TGM2: variants seen among roughly 807,000 people sequenced by gnomAD.
TGM2 encodes the protein protein-glutamine gamma-glutamyltransferase 2.
In TGM2, 53 loss-of-function variants were observed where a neutral mutation model predicts 75.6. That is an observed-to-expected ratio of 0.70 (90% CI 0.56 to 0.88). The LOEUF (loss-of-function observed/expected upper bound fraction) is 0.88. TGM2 is among the 40% of genes least tolerant of loss of function. TGM2 has a pLI of 0.00. For synonymous variants in TGM2, 374 were observed against 381.1 expected, an observed-to-expected ratio of 0.98 and a Z score of 0.22; for missense variants, 842 against 928.5, an observed-to-expected ratio of 0.91 and a Z score of 1.21.
chr20:38,143,285 C>G (rs1330187583), intron 6 of TGM2, among the ~76,000 whole-genome samples: 1 of 152,226 alleles, frequency 6.6e-6, no homozygotes, highest in Non-Finnish European at 1.5e-5. Context: ...GCTGTGTGAC[C>G]TGGGACCAGT....
At chr20:38,134,398 A>G (rs990148589) in intron 10 of TGM2, among the ~76,000 whole-genome samples, 2 of 152,196 alleles carry the variant, frequency 1.3e-5, no homozygotes, top group Non-Finnish European at 2.9e-5. Flanking sequence ...TGGAAATTCT[A>G]GCTAGCTCCA....
intron 3 of TGM2, among the ~76,000 whole-genome samples, chr20:38,152,442 G>C (rs2075125366): frequency 6.6e-6 from 1 of 152,224 alleles, no homozygotes; most frequent in South Asian, 2.1e-4. Context: ...CTCTGCAGCA[G>C]CCGGGGGGTG....
chr20:38,155,239 C>G (rs1021389231), intron 3 of TGM2, among the ~76,000 whole-genome samples: 1 of 152,246 alleles, frequency 6.6e-6, no homozygotes, highest in African/African-American at 2.4e-5. Context: ...AACCAAGTCA[C>G]CGCTAAGCCC....
chr20:38,158,252 C>A (rs1206061390), intron 2 of TGM2, among the ~76,000 whole-genome samples: 1 of 152,244 alleles, frequency 6.6e-6, no homozygotes, highest in African/African-American at 2.4e-5. Flanking sequence ...CACACTCACA[C>A]ACCCCTTTCT....
chr20:38,141,111 ATT>A (rs2074966830), intron 8 of TGM2, among the ~76,000 whole-genome samples, 169 bp downstream of exon 8: 1 of 152,092 alleles, frequency 6.6e-6, no homozygotes, highest in East Asian at 1.9e-4. Context: ...TATTTTTGAG[ATT>A]TATCAAGAAG....
chr20:38,138,433 A>G, intron 9 of TGM2, 48 bp from the exon 10 acceptor site: 2 of 1,611,826 alleles, frequency 1.2e-6, no homozygotes, highest in East Asian at 2.2e-5. Context: ...AATAGATCAC[A>G]GGAAGGGGGC....
intron 7 of TGM2, among the ~76,000 whole-genome samples, chr20:38,141,725 C>T (rs1038839160): frequency 6.7e-6 from 1 of 150,250 alleles, no homozygotes; most frequent in Non-Finnish European, 1.5e-5. Context: ...CACGCCCCAG[C>T]CCCCCGCCCA....
At chr20:38,150,796 T>G in intron 4 of TGM2, 143 bp downstream of exon 4, 1 of 781,978 alleles carries the variant, frequency 1.3e-6, no homozygotes, top group Non-Finnish European at 2.3e-6. Flanking sequence ...TTCAGCTGTT[T>G]CAGGGCCTTT....
intron 4 of TGM2, among the ~76,000 whole-genome samples, chr20:38,150,208 T>C (rs45459096): frequency 0.08 from 12,098 of 152,146 alleles, 1,263 homozygotes; most frequent in African/African-American, 0.23. Flanking sequence ...GCTGGCCCAC[T>C]GGGGAGTGAG....
In TGM2 at chr20:38,146,833, C is replaced by T. The variant is rs764181504; in HGVS notation, c.743G>A (p.Gly248Asp). 1.2e-6 allele frequency: 2 copies of T among 1,614,144 alleles called. No individual in the cohort carries two copies. Among genetic ancestry groups the T allele is most frequent in the South Asian group, 1.1e-5 (1 of 91,080 alleles). The change falls in exon 6 of 13, where the codon GGC (glycine) becomes GAC (aspartate). Residue 248 changes from glycine (G) to aspartate (D), a missense_variant. Gly to Asp is a moderately conservative substitution (Grantham distance 94, BLOSUM62 -1). Coordinates refer to ENST00000361475, the MANE Select transcript of TGM2 (RefSeq NM_004613.4). ...LGRWDNNYGD[G>D]VSPMSWIGSV... Reference sequence around the variant, plus strand: ...GCCGATCCAGGACATGGGGCTGACGCCGTCCCCGTAGTTGTTGTCCCAGCG... The same window carrying T: ...GCCGATCCAGGACATGGGGCTGACGTCGTCCCCGTAGTTGTTGTCCCAGCG...
At position 38,146,861 on chromosome 20, in the gene TGM2, C is replaced by T; in HGVS notation, c.715G>A (p.Gly239Arg). 6.2e-7 allele frequency: 1 copy of T among 1,613,930 alleles called. No homozygotes were observed. Among genetic ancestry groups the T allele is most frequent in the Non-Finnish European group, 8.5e-7 (1 of 1,180,044 alleles). Residue 239 changes from glycine to arginine, a missense_variant, in exon 6 of 13, where the codon GGA becomes AGA. Transcript: ENST00000361475. ...TCCCCGTAGTTGTTGTCCCAGCGTC[C>T]CAGCAGCACACCCTGGTCATCGTTG... ...NCNDDQGVLL[G>R]RWDNNYGDGV...
At position 38,130,108 on chromosome 20, in the gene TGM2, C is replaced by G. The variant is rs1771229613; in HGVS notation, c.*111G>C. 7 of 1,479,076 alleles carry G rather than the reference C, an allele frequency of 4.7e-6. No homozygotes were observed. The highest frequency in any genetic ancestry group is 6.4e-6 in the Non-Finnish European group (7 of 1,088,384). The allele number at this position is 1,479,076 out of a possible 1,614,324, so 91.6% of individuals were successfully genotyped here. On this transcript the variant is annotated 3_prime_UTR_variant, in exon 13 of 13. Transcript: ENST00000361475. ...ATTTCCGAGAGCCCCCATAGGCTGCCCACCCTGCCCTGGGGTCTGGGGCCC... is the reference window on the plus strand; with the variant it reads ...ATTTCCGAGAGCCCCCATAGGCTGCGCACCCTGCCCTGGGGTCTGGGGCCC...
At chr20:38,144,259 A>C (rs1233919705) in intron 6 of TGM2, among the ~76,000 whole-genome samples, 1 of 151,910 alleles carries the variant, frequency 6.6e-6, no homozygotes, top group Non-Finnish European at 1.5e-5. Flanking sequence ...TGGGCAAGCC[A>C]CTCCCCTCTC....
intron 1 of TGM2, 85 bp downstream of exon 1, chr20:38,165,104 G>A (rs2075297109): frequency 1.1e-5 from 18 of 1,603,718 alleles, no homozygotes; most frequent in Admixed American, 3.3e-5. Flanking sequence ...TCCAAATCAG[G>A]ACTTAGGGAT....
intron 3 of TGM2, among the ~76,000 whole-genome samples, chr20:38,153,609 A>T (rs1442984479): frequency 2.0e-5 from 3 of 151,962 alleles, no homozygotes; most frequent in African/African-American, 7.3e-5. Context: ...TTGTGAGGGG[A>T]AAAAACCAAG....
rs562576711 is a variant in TGM2 at position 38,130,152 on chromosome 20, C to G, written c.*67G>C. The stretch of plus-strand genomic sequence containing the variant: ...GGGGCCCAAGAAGGGGCATATTTTG[C>G]TCACTAGCTTGGGATAAGGATTGGG... On this transcript the variant is annotated 3_prime_UTR_variant, in exon 13 of 13. Transcript: ENST00000361475. 1.8e-5 allele frequency: 29 copies of G among 1,601,628 alleles called. No individual in the cohort carries two copies. The African/African-American group carries it at 3.7e-4, about 21-fold the overall frequency.
In TGM2 at chr20:38,132,341, C is replaced by A. The variant is rs150712844; in HGVS notation, c.1775G>T (p.Arg592Leu). ...LYLENPEIKI[R>L]ILGEPKQKRK... ...GCCCCTTGCCCAGCCTGCCCTTACC[C>A]GGATCTTGATTTCTGGATTCTCCAG... Residue 592 changes from arginine (R) to leucine (L), a missense_variant and splice_region_variant, in exon 11 of 13, where the codon CGG becomes CTG. Coordinates refer to ENST00000361475, the MANE Select transcript of TGM2 (RefSeq NM_004613.4). The A allele has an allele frequency of 6.2e-7, 1 of 1,614,076 alleles. No individual in the cohort carries two copies. Among genetic ancestry groups the A allele is most frequent in the Admixed American group, 1.7e-5 (1 of 60,020 alleles).
chr20:38,140,842 T>C (rs562811832), intron 8 of TGM2, among the ~76,000 whole-genome samples: 2 of 152,344 alleles, frequency 1.3e-5, no homozygotes, highest in East Asian at 3.9e-4. Flanking sequence ...TCCTAGAAAG[T>C]GTCCATATGC....
At position 38,127,830 on chromosome 20, in the gene TGM2, TAAATTAC is replaced by T. The variant is rs2074782027; in HGVS notation, c.*2382_*2388del. The T allele has an allele frequency of 6.6e-6, 1 of 152,268 alleles. No individual in the cohort carries two copies. The highest frequency in any genetic ancestry group is 6.5e-5 in the Admixed American group (1 of 15,286). 9.4% of individuals were successfully genotyped at this position (152,268 alleles called of 1,614,324 possible). A position where few individuals can be genotyped will look rare whatever the true frequency, so the allele number is the denominator to read the frequency against. On this transcript the variant is annotated 3_prime_UTR_variant, in exon 13 of 13. Transcript: ENST00000361475. ...TTTCAATGTGGTCACTAGAAAATTCTAAATTACATATGTGGCTTGCATTTGTGGCTCA... is the reference window on the plus strand; with the variant it reads ...TTTCAATGTGGTCACTAGAAAATTCTATATGTGGCTTGCATTTGTGGCTCA...
Sources: gnomAD v4.1 joint callset for allele counts (sites outside exome capture counted in the v4.1 genomes callset) on GRCh38, gnomAD v4.1.1 for gene constraint, MANE v1.5 for transcripts, NCBI Gene and HGNC (gene_info 2026-07-23, HGNC 2026-07-21) for gene names.